Variants in DNAH5 observed in about 807,000 individuals in gnomAD.
DNAH5 encodes axonemal beta dynein heavy chain 5.
A neutral mutation model predicts 518.2 loss-of-function variants in DNAH5; 372 were observed. The ratio of observed to expected loss-of-function variants is 0.72; its 90% CI spans 0.66 to 0.78. The LOEUF is 0.78. DNAH5 is among the 30% of genes least tolerant of loss of function. DNAH5 has a pLI of 0.00. For missense variants in DNAH5, 5,523 were observed against 5,687.0 expected (o/e 0.97, Z 0.93); for synonymous variants, 2,039 against 2,025.9 (o/e 1.01, Z -0.17).
At chr5:13,882,867 G>C in intron 20 of DNAH5, 37 bp downstream of exon 20, 1 of 1,613,942 alleles carries the variant, frequency 6.2e-7, no homozygotes, top group Non-Finnish European at 8.5e-7. Context: ...AAAAGAAGTG[G>C]TTTCCATATG....
chr5:13,953,275 G>GTA lies in DNAH5; in HGVS notation c.13-22033_13-22032dup, dbSNP rs148563966. Among the ~76,000 whole-genome samples the GTA allele has an allele frequency of 3.2e-4, 49 of 151,244 alleles. 1 individual carries two copies. The highest frequency in any genetic ancestry group is 2.7e-3 in the East Asian group (14 of 5,162). On this transcript the variant is annotated intron_variant, in intron 1 of 78. Transcript: ENST00000681290. Reference sequence around the variant, plus strand: ...AATGACACCCAATTAAAGTGAATGTGTATATATATATATACATTTCTATCA... The same window carrying GTA: ...AATGACACCCAATTAAAGTGAATGTGTATATATATATATATACATTTCTATCA...
At chr5:13,921,251 T>C (rs1031111945) in intron 5 of DNAH5, among the ~76,000 whole-genome samples, 4 of 151,984 alleles carry the variant, frequency 2.6e-5, no homozygotes, top group Non-Finnish European at 5.9e-5. Context: ...CCATTCCACA[T>C]CCTTTGGAAA....
chr5:13,777,061 A>G (rs1754198984), intron 54 of DNAH5, 141 bp downstream of exon 54: 1 of 823,746 alleles, frequency 1.2e-6, no homozygotes, highest in Admixed American at 2.8e-5. Flanking sequence ...ACCCAATAGA[A>G]AAACCCATCC....
intron 35 of DNAH5, among the ~76,000 whole-genome samples, chr5:13,835,901 G>A (rs577960173): frequency 1.3e-5 from 2 of 152,214 alleles, no homozygotes; most frequent in Admixed American, 6.5e-5. Context: ...CCAGTCATCG[G>A]AGCCATACCA....
At position 13,884,992 on chromosome 5, in the gene DNAH5, G is replaced by A. The variant is rs560275492; in HGVS notation, c.2980C>T (p.Arg994Trp). The change falls in exon 19 of 79, where the codon CGG becomes TGG. Residue 994 changes from arginine to tryptophan, a missense_variant. Physicochemically the swap from Arg to Trp is moderately radical, Grantham distance 101. Around this residue, in one of 3 missense-constraint regions of DNAH5, gnomAD observed 5,121 missense variants for 5,223.3 expected, o/e 0.98. Coordinates refer to ENST00000265104, the MANE Select transcript of DNAH5 (RefSeq NM_001369.3). ...RIHSSHTINFRDSNSASNMKQ... is the reference protein window; with the variant it reads ...RIHSSHTINFWDSNSASNMKQ... ...GCAAACCACACAAGATTATTACCCCGGAAGTTAATTGTGTGAGAGGAATGA... is the reference window on the plus strand; with the variant it reads ...GCAAACCACACAAGATTATTACCCCAGAAGTTAATTGTGTGAGAGGAATGA... 102 of 1,614,074 alleles carry A rather than the reference G, an allele frequency of 6.3e-5. 3 individuals are homozygous for A. In the South Asian group the frequency reaches 6.7e-4, roughly 11 times the overall value.
chr5:13,717,235 G>A (rs1219194797), intron 73 of DNAH5, 80 bp downstream of exon 73: 11 of 1,309,166 alleles, frequency 8.4e-6, no homozygotes, highest in East Asian at 2.5e-5. Context: ...TATAATTTAC[G>A]CCAAAGCTAG....
chr5:13,901,996 C>T (rs1774690514), intron 13 of DNAH5, 57 bp downstream of exon 13: 1 of 1,215,574 alleles, frequency 8.2e-7, no homozygotes. Context: ...GGAATAACAA[C>T]AATAAAAGCT....
At chr5:13,794,653 CACG>C (rs1334178187) in intron 47 of DNAH5, among the ~76,000 whole-genome samples, 2 of 152,150 alleles carry the variant, frequency 1.3e-5, no homozygotes, top group African/African-American at 4.8e-5. Context: ...AAGAGAAGAC[CACG>C]CTGCACTCTG....
intron 1 of DNAH5, among the ~76,000 whole-genome samples, chr5:13,940,966 T>C (rs1779404386): frequency 6.6e-6 from 1 of 152,216 alleles, no homozygotes; most frequent in Admixed American, 6.5e-5. Context: ...GTTTTGCACA[T>C]ACAGTTACAT....
rs141489372 is a variant in DNAH5, at chr5:13,932,479, G to A, written c.58-1235C>T. On this transcript the variant is annotated intron_variant, in intron 1 of 78. Coordinates refer to ENST00000265104, the MANE Select transcript of DNAH5 (RefSeq NM_001369.3). ...CACAAAGGCTGAGAGGCACACAAAAGCACATTCTGAAAACCACAAGGTAGC... is the reference window on the plus strand; with the variant it reads ...CACAAAGGCTGAGAGGCACACAAAAACACATTCTGAAAACCACAAGGTAGC... 3.9e-5 allele frequency: 6 copies of A among 152,222 alleles called. No homozygotes were observed. In the East Asian group the frequency reaches 1.2e-3, roughly 29 times the overall value. The allele number at this position is 152,222 out of a possible 1,614,324, so 9.4% of individuals were successfully genotyped here.
chr5:13,719,129 G>A (rs1453936398), intron 71 of DNAH5, 28 bp from the exon 72 acceptor site: 2 of 1,566,296 alleles, frequency 1.3e-6, no homozygotes, highest in African/African-American at 2.7e-5. Context: ...CGGAAATTAG[G>A]TAGTTTTGTA....
intron 65 of DNAH5, among the ~76,000 whole-genome samples, chr5:13,745,199 A>T (rs1749162147): frequency 6.6e-6 from 1 of 152,062 alleles, no homozygotes; most frequent in Admixed American, 6.6e-5. Flanking sequence ...CTATGATCAA[A>T]GTGAGAGTGA....
intron 76 of DNAH5, among the ~76,000 whole-genome samples, chr5:13,705,935 G>C (rs994095156): frequency 6.6e-6 from 1 of 152,224 alleles, no homozygotes; most frequent in Non-Finnish European, 1.5e-5. Context: ...TGCTCTTCTA[G>C]ACACTCTGAA....
intron 22 of DNAH5, among the ~76,000 whole-genome samples, chr5:13,873,534 A>G (rs1770439022): frequency 6.6e-6 from 1 of 152,062 alleles, no homozygotes; most frequent in South Asian, 2.1e-4. Flanking sequence ...TTATCTTTCC[A>G]TTGGTGACTA....
chr5:13,747,560 CTTT>C (rs1266110449), intron 65 of DNAH5, among the ~76,000 whole-genome samples: 1 of 152,168 alleles, frequency 6.6e-6, no homozygotes, highest in East Asian at 1.9e-4. Flanking sequence ...TGCTTCCTGA[CTTT>C]TTAATGATCG....
chr5:13,810,395 A>C, intron 44 of DNAH5, 135 bp from the exon 45 acceptor site: 1 of 778,788 alleles, frequency 1.3e-6, no homozygotes, highest in Non-Finnish European at 2.2e-6. Flanking sequence ...GATGAATACA[A>C]CTGGAGAACA....
At chr5:13,939,206 C>T (rs187565000) in intron 1 of DNAH5, among the ~76,000 whole-genome samples, 2 of 152,294 alleles carry the variant, frequency 1.3e-5, no homozygotes, top group East Asian at 1.9e-4. Context: ...CAATTAATAT[C>T]TCTAAATAAT....
At chr5:13,799,734 T>C (rs1758443403) in intron 47 of DNAH5, among the ~76,000 whole-genome samples, 1 of 152,206 alleles carries the variant, frequency 6.6e-6, no homozygotes, top group Non-Finnish European at 1.5e-5. Context: ...GTTTTGTATA[T>C]TGAATGTTTT....
chr5:13,878,716 A>G (rs770336251), intron 21 of DNAH5, among the ~76,000 whole-genome samples: 1 of 152,170 alleles, frequency 6.6e-6, no homozygotes, highest in Non-Finnish European at 1.5e-5. Context: ...GTAGCCAGAG[A>G]CCATGGAAAA....
Sources: allele counts gnomAD v4.1 joint callset (sites outside exome capture counted in the v4.1 genomes callset), GRCh38; gene constraint gnomAD v4.1.1; regional missense constraint gnomAD v4.1.1; transcripts MANE v1.5; gene names NCBI Gene and HGNC (gene_info 2026-07-23, HGNC 2026-07-21).